TNFSF8: variants seen among roughly 807,000 people sequenced by gnomAD.
TNFSF8 encodes the protein TNF superfamily member 8.
Under a neutral mutation model 22.0 loss-of-function variants are expected in TNFSF8, and 4 were observed. That is an observed-to-expected ratio of 0.18 (90% CI 0.09 to 0.42). The LOEUF is 0.42. Among genes scored for constraint, TNFSF8 ranks in the 10% least tolerant of loss-of-function variants. The pLI is 1.00. For synonymous variants in TNFSF8, 106 were observed against 112.5 expected, an observed-to-expected ratio of 0.94 and a Z score of 0.37; for missense variants, 233 against 281.8, an observed-to-expected ratio of 0.83 and a Z score of 1.24.
At chr9:114,927,341 C>G (rs1414269014) in intron 1 of TNFSF8, among the ~76,000 whole-genome samples, 1 of 151,914 alleles carries the variant, frequency 6.6e-6, no homozygotes, top group African/African-American at 2.4e-5. Context: ...CTAAGTTCCT[C>G]CTTTGTCTCT....
downstream of TNFSF8, among the ~76,000 whole-genome samples, chr9:114,899,543 T>G (rs1332397675): frequency 6.6e-6 from 1 of 152,152 alleles, no homozygotes; most frequent in African/African-American, 2.4e-5. Context: ...TCTGGAGCTG[T>G]GCTTGTCCTT....
rs1039710395 is a variant in TNFSF8, at chr9:114,930,202, C to G, written c.102G>C (p.Thr34=). Residue 34 remains threonine, a synonymous_variant, in exon 1 of 4, where the codon ACG becomes ACC. Coordinates refer to ENST00000223795, the MANE Select transcript of TNFSF8 (RefSeq NM_001244.4). The part of the protein sequence containing the change: ...AGSVASHLGT[T]SRSYFYLTTA... ...TGGTCAAATAGAAATAGCTGCGGCT[C>G]GTGGTCCCCAGGTGGCTGGCCACGG... 2 of 1,605,870 alleles carry G rather than the reference C, an allele frequency of 1.2e-6. No homozygotes were observed. The highest frequency in any genetic ancestry group is 1.7e-6 in the Non-Finnish European group (2 of 1,176,074).
chr9:114,924,246 C>T (rs1445267613), intron 1 of TNFSF8, among the ~76,000 whole-genome samples: 1 of 152,158 alleles, frequency 6.6e-6, no homozygotes, highest in Non-Finnish European at 1.5e-5. Flanking sequence ...GAATTTCTAA[C>T]AAGGCCCAGG....
intron 2 of TNFSF8, among the ~76,000 whole-genome samples, chr9:114,913,272 G>A (rs1256023683): frequency 1.3e-5 from 2 of 152,182 alleles, no homozygotes; most frequent in Non-Finnish European, 1.5e-5. Flanking sequence ...TTGGGTGTTG[G>A]AGGCTACATT....
In TNFSF8 at chr9:114,893,720, T is replaced by G. The variant is rs7866505; in HGVS notation, c.*359A>C. On this transcript the variant is annotated 3_prime_UTR_variant, in exon 5 of 5. Coordinates refer to the TNFSF8 transcript ENST00000618336. ...ATGGGCTGTTGCATGATTGTCAGGT[T>G]GGGGTCATAGGGTAAGATGACAGCC... 949 of 200,790 alleles carry G rather than the reference T, an allele frequency of 4.7e-3. 2 individuals carry two copies. The highest frequency in any genetic ancestry group is 7.7e-3 in the Non-Finnish European group (743 of 97,112). The allele number at this position is 200,790 out of a possible 1,614,324, so 12.4% of individuals were successfully genotyped here.
intron 2 of TNFSF8, among the ~76,000 whole-genome samples, chr9:114,914,517 C>G (rs1217321857): frequency 6.6e-6 from 1 of 152,168 alleles, no homozygotes; most frequent in Non-Finnish European, 1.5e-5. Context: ...GAAGGATGAG[C>G]TTCACTCTCT....
At chr9:114,928,342 G>C (rs1828088659) in intron 1 of TNFSF8, among the ~76,000 whole-genome samples, 1 of 152,152 alleles carries the variant, frequency 6.6e-6, no homozygotes, top group African/African-American at 2.4e-5. Flanking sequence ...CTTTCTCAGG[G>C]TGACGTAGTT....
intron 1 of TNFSF8, among the ~76,000 whole-genome samples, chr9:114,920,696 C>T (rs2131348278): frequency 6.6e-6 from 1 of 152,018 alleles, no homozygotes; most frequent in Middle Eastern, 3.4e-3. Flanking sequence ...TGAGATGGAG[C>T]CTCACTCTGT....
intron 1 of TNFSF8, among the ~76,000 whole-genome samples, chr9:114,923,679 G>A (rs1039860844): frequency 1.3e-4 from 19 of 151,782 alleles, no homozygotes; most frequent in African/African-American, 3.1e-4. Context: ...CACCACATCC[G>A]GCTAATTTTA....
At chr9:114,923,426 G>T (rs1300189082) in intron 1 of TNFSF8, among the ~76,000 whole-genome samples, 1 of 151,984 alleles carries the variant, frequency 6.6e-6, no homozygotes, top group East Asian at 1.9e-4. Context: ...ACCAAGTGAA[G>T]AGTATTTATG....
downstream of TNFSF8, among the ~76,000 whole-genome samples, chr9:114,896,585 T>A (rs1442504797): frequency 6.6e-6 from 1 of 152,238 alleles, no homozygotes; most frequent in Admixed American, 6.5e-5. Context: ...AATATCACAC[T>A]GTGCTACCTA....
At chr9:114,905,614 A>C (rs1005329280) in intron 3 of TNFSF8, among the ~76,000 whole-genome samples, 25 of 152,218 alleles carry the variant, frequency 1.6e-4, no homozygotes, top group Admixed American at 5.2e-4. Context: ...AATGGGACTG[A>C]GGAAAGAGAA....
Position 114,901,866 on chromosome 9 carries a change from A to C in TNFSF8, c.*2065T>G, listed in dbSNP as rs1827720162. The C allele has an allele frequency of 1.1e-6, 1 of 950,066 alleles. No homozygotes were observed. Among genetic ancestry groups the C allele is most frequent in the Non-Finnish European group, 1.3e-6 (1 of 798,008 alleles). 58.9% of individuals were successfully genotyped at this position (950,066 alleles called of 1,614,324 possible). On this transcript the variant is annotated 3_prime_UTR_variant, in exon 4 of 4. Transcript: ENST00000223795. ...AGCAGATGACTTAAAATTTTCCCTT[A>C]GCCATTTTTGTTCTCTCAAGTCCCT...
chr9:114,906,828 T>C (rs904762641), intron 2 of TNFSF8, among the ~76,000 whole-genome samples: 1 of 152,248 alleles, frequency 6.6e-6, no homozygotes, highest in African/African-American at 2.4e-5. Context: ...TTTCCTGCAA[T>C]GACACTTGAA....
At chr9:114,928,472 C>G (rs530493381) in intron 1 of TNFSF8, among the ~76,000 whole-genome samples, 2 of 152,302 alleles carry the variant, frequency 1.3e-5, no homozygotes, top group South Asian at 4.1e-4. Context: ...TGAATGAGCT[C>G]TGAAGTTCTC....
chr9:114,923,220 C>G (rs1828011070), intron 1 of TNFSF8, among the ~76,000 whole-genome samples: 1 of 152,166 alleles, frequency 6.6e-6, no homozygotes, highest in Non-Finnish European at 1.5e-5. Context: ...GGCTGTGCCA[C>G]TGCTTTCTCT....
rs1587942337 is a variant in TNFSF8, at chr9:114,927,995, A to G, written c.195+2114T>C. The stretch of plus-strand genomic sequence containing the variant: ...TTTTTTTTTCTTGTTAGGTCTTACA[A>G]CAGTTAAGGTCTGAGGAATTTATTG... On this transcript the variant is annotated intron_variant, in intron 1 of 3. Transcript: ENST00000223795. Among the ~76,000 whole-genome samples the G allele has an allele frequency of 1.3e-5, 2 of 152,244 alleles. 1 individual carries two copies. The highest frequency in any genetic ancestry group is 4.1e-4 in the South Asian group (2 of 4,826).
chr9:114,896,072 C>A (rs760484793), intron 4 of TNFSF8, among the ~76,000 whole-genome samples: 4 of 152,174 alleles, frequency 2.6e-5, no homozygotes, highest in Non-Finnish European at 2.9e-5. Context: ...GAAGACCAAG[C>A]CAATTCATGA....
At position 114,930,318 on chromosome 9, in the gene TNFSF8, T is replaced by TC. The variant is rs766506469; in HGVS notation, c.-16dup. ...CCTGGGTCCATTCTTTATATAGTCTTCCCCACATCACACCTTATCTCTCTT... is the reference window on the plus strand; with the variant it reads ...CCTGGGTCCATTCTTTATATAGTCTTCCCCCACATCACACCTTATCTCTCTT... On this transcript the variant is annotated 5_prime_UTR_variant, in exon 1 of 4. An upstream open reading frame in the 5' UTR gains an earlier in-frame stop. Coordinates refer to ENST00000223795, the MANE Select transcript of TNFSF8 (RefSeq NM_001244.4). 5.3e-6 allele frequency: 8 copies of TC among 1,499,826 alleles called. No homozygotes were observed. The highest frequency in any genetic ancestry group is 5.2e-5 in the East Asian group (2 of 38,792). 92.9% of individuals were successfully genotyped at this position (1,499,826 alleles called of 1,614,324 possible).
Sources: gnomAD v4.1 joint callset for allele counts (sites outside exome capture counted in the v4.1 genomes callset) on GRCh38, gnomAD v4.1.1 for gene constraint, MANE v1.5 for transcripts, NCBI Gene and HGNC (gene_info 2026-07-23, HGNC 2026-07-21) for gene names.